Variants in ARHGEF4 observed in about 807,000 individuals in gnomAD.
The protein encoded by ARHGEF4 is Rho guanine nucleotide exchange factor 4.
A neutral mutation model predicts 162.0 loss-of-function variants in ARHGEF4; 119 were observed. The ratio of observed to expected loss-of-function variants is 0.73; its 90% CI spans 0.63 to 0.86. The LOEUF (loss-of-function observed/expected upper bound fraction) is 0.86. Ranked by LOEUF, ARHGEF4 falls within the 40% of genes least tolerant of loss-of-function variation. ARHGEF4 has a pLI of 0.00. For synonymous variants in ARHGEF4, 1,014 were observed against 979.9 expected, an observed-to-expected ratio of 1.03 and a Z score of -0.65; for missense variants, 2,488 against 2,456.0, an observed-to-expected ratio of 1.01 and a Z score of -0.28.
At position 130,978,681 on chromosome 2, in the gene ARHGEF4, A is replaced by T. The variant is rs531614983; in HGVS notation, c.3985+32046A>T. ...TTCTGGAGAAATTAGGCAGAGAAAT[A>T]TGACTCAAATTCTGTTTACAAAAGT... is the stretch of plus-strand genomic sequence containing the variant. On this transcript the variant is annotated intron_variant, in intron 4 of 13. Transcript: ENST00000409359. Among the ~76,000 whole-genome samples the T allele has an allele frequency of 5.9e-5, 9 of 152,292 alleles. No homozygotes were observed. In the East Asian group the frequency reaches 1.7e-3, roughly 29 times the overall value.
rs376607763 is a variant in ARHGEF4 at position 130,916,300 on chromosome 2, C to T, written c.2354C>T (p.Ala785Val). 1.2e-4 allele frequency: 189 copies of T among 1,540,578 alleles called. No individual in the cohort carries two copies. In the African/African-American group the frequency reaches 2.3e-3, roughly 19 times the overall value. The change falls in exon 2 of 14, where the codon GCG becomes GTG. Residue 785 changes from alanine to valine, a missense_variant. Ala to Val is a moderately conservative substitution (Grantham distance 64, BLOSUM62 0). Around this residue, in one of 6 missense-constraint regions of ARHGEF4, gnomAD observed 1,642 missense variants for 1,481.5 expected, o/e 1.11. Transcript: ENST00000409359. ...CCGCCACGCGGGCTCCGCAAGGGCG[C>T]GCAGGAGCCTGGGAAGCGCCCGACG... Reference protein sequence around the residue: ...PQPPRGLRKGAQEPGKRPTFS... With the variant: ...PQPPRGLRKGVQEPGKRPTFS...
intron 1 of ARHGEF4, among the ~76,000 whole-genome samples, chr2:130,893,814 T>C (rs1680001253): frequency 6.6e-6 from 1 of 152,212 alleles, no homozygotes; most frequent in South Asian, 2.1e-4. Context: ...TCACTGCATA[T>C]GCCCAGGGGC....
At position 130,916,301 on chromosome 2, in the gene ARHGEF4, G is replaced by T; in HGVS notation, c.2355G>T (p.Ala785=). The stretch of plus-strand genomic sequence containing the variant: ...CGCCACGCGGGCTCCGCAAGGGCGC[G>T]CAGGAGCCTGGGAAGCGCCCGACGT... ...PQPPRGLRKG[A]QEPGKRPTFS... is the part of the protein sequence containing the mutation. The change falls in exon 2 of 14, where the codon GCG becomes GCT. Residue 785 remains alanine, a synonymous_variant. Coordinates refer to ENST00000409359, the MANE Select transcript of ARHGEF4 (RefSeq NM_001367493.1). 6.5e-7 allele frequency: 1 copy of T among 1,540,608 alleles called. No homozygotes were observed.
chr2:130,914,757 A>G lies in ARHGEF4; in HGVS notation c.811A>G (p.Lys271Glu), dbSNP rs574064328. 102 of 1,426,356 alleles carry G rather than the reference A, an allele frequency of 7.2e-5. No homozygotes were observed. In the African/African-American group the frequency reaches 1.4e-3, roughly 19 times the overall value. 88.4% of individuals were successfully genotyped at this position (1,426,356 alleles called of 1,614,324 possible). ...NTAPLGTRTKKESTLGPAGDT... is the reference protein window; with the variant it reads ...NTAPLGTRTKEESTLGPAGDT... Reference sequence around the variant, plus strand: ...AGCCCCTCTGGGGACCAGGACAAAGAAGGAAAGTACTCTAGGCCCTGCAGG... The same window carrying G: ...AGCCCCTCTGGGGACCAGGACAAAGGAGGAAAGTACTCTAGGCCCTGCAGG... Residue 271 changes from lysine to glutamate, a missense_variant, in exon 2 of 14, where the codon AAG (lysine) becomes GAG (glutamate). Around this residue, in one of 6 missense-constraint regions of ARHGEF4, gnomAD observed 1,642 missense variants for 1,481.5 expected, o/e 1.11. Transcript: ENST00000409359.
chr2:131,001,896 G>A (rs1304344596), intron 4 of ARHGEF4, among the ~76,000 whole-genome samples: 1 of 152,210 alleles, frequency 6.6e-6, no homozygotes, highest in Non-Finnish European at 1.5e-5. Context: ...ATTTGCCTCT[G>A]GAGAGGAAGC....
intron 1 of ARHGEF4, among the ~76,000 whole-genome samples, chr2:130,838,497 T>C (rs1452115756): frequency 6.6e-6 from 1 of 152,054 alleles, no homozygotes; most frequent in Non-Finnish European, 1.5e-5. Context: ...TCCCAGCTAC[T>C]TGGGAGTCTG....
In ARHGEF4 at chr2:130,912,175, G is replaced by A. The variant is rs772941962; in HGVS notation, c.40-1811G>A. On this transcript the variant is annotated intron_variant, in intron 1 of 13. Transcript: ENST00000409359. ...GTTGCACAGTTCTCTGTGCTTGTCCGGGCGTGCTCATGTCCATGTCTCACT... is the reference window on the plus strand; with the variant it reads ...GTTGCACAGTTCTCTGTGCTTGTCCAGGCGTGCTCATGTCCATGTCTCACT... Among the ~76,000 whole-genome samples, 6 of 152,316 alleles carry A rather than the reference G, an allele frequency of 3.9e-5. No homozygotes were observed. In the South Asian group the frequency reaches 1.0e-3, roughly 26 times the overall value.
At chr2:130,974,422 G>A (rs1023161607) in intron 4 of ARHGEF4, among the ~76,000 whole-genome samples, 21 of 151,682 alleles carry the variant, frequency 1.4e-4, no homozygotes, top group African/African-American at 4.9e-4. Flanking sequence ...GAACATAACT[G>A]TAAAGAATCC....
intron 5 of ARHGEF4, chr2:131,034,851 G>T (rs1329935798): frequency 1.4e-5 from 5 of 364,580 alleles, no homozygotes; most frequent in African/African-American, 8.8e-5. Flanking sequence ...CCGAGCCGCC[G>T]CGGTCCCTCT....
At chr2:130,913,233 GGGGCA>G (rs1203357032) in intron 1 of ARHGEF4, among the ~76,000 whole-genome samples, 1 of 152,160 alleles carries the variant, frequency 6.6e-6, no homozygotes, top group Non-Finnish European at 1.5e-5. Context: ...TGACCGGGGA[GGGGCA>G]GGGCCTTTTT....
chr2:130,917,071 T>C lies in ARHGEF4; in HGVS notation c.3125T>C (p.Leu1042Pro), dbSNP rs1262678056. 1.3e-6 allele frequency: 2 copies of C among 1,550,686 alleles called. No individual in the cohort carries two copies. Among genetic ancestry groups the C allele is most frequent in the Non-Finnish European group, 8.7e-7 (1 of 1,147,010 alleles). The change falls in exon 2 of 14, where the codon CTA (leucine) becomes CCA (proline). Residue 1042 changes from leucine to proline, a missense_variant. Leu to Pro is a moderately conservative substitution (Grantham distance 98). Around this residue, in one of 6 missense-constraint regions of ARHGEF4, gnomAD observed 1,642 missense variants for 1,481.5 expected, o/e 1.11. Transcript: ENST00000409359. ...GCCACCCAGGAAGGCGGTAGGTACC[T>C]ACCTTCAGGTATCTTTCCGGAAAAG... ...CTATQEGGRY[L>P]PSGIFPEKSW... is the part of the protein sequence containing the mutation.
At chr2:131,028,535 G>A (rs1350874278) in intron 5 of ARHGEF4, among the ~76,000 whole-genome samples, 1 of 152,202 alleles carries the variant, frequency 6.6e-6, no homozygotes, top group Non-Finnish European at 1.5e-5. Flanking sequence ...TATTGCTGTT[G>A]CTATGACAAC....
At chr2:130,950,551 A>AT (rs1298724943) in intron 4 of ARHGEF4, among the ~76,000 whole-genome samples, 1 of 152,124 alleles carries the variant, frequency 6.6e-6, no homozygotes, top group Non-Finnish European at 1.5e-5. Context: ...GATGCTTTCT[A>AT]TTTTTTAAAC....
At chr2:130,874,049 C>A (rs1678666461) in intron 1 of ARHGEF4, among the ~76,000 whole-genome samples, 1 of 152,136 alleles carries the variant, frequency 6.6e-6, no homozygotes, top group Admixed American at 6.5e-5. Context: ...TTCCTCAATT[C>A]AACCCTGGTT....
rs140300190 is a variant in ARHGEF4 at position 130,931,408 on chromosome 2, A to T, written c.3858+151A>T. ...TGGATTACAGCATGCTGCCTGGGCC[A>T]CACTCAGTACTGCAGTCGAGGGCCT... On this transcript the variant is annotated intron_variant, in intron 3 of 13. Transcript: ENST00000409359. 7.9e-4 allele frequency: 645 copies of T among 818,276 alleles called. 8 individuals carry two copies. In the East Asian group the frequency reaches 0.013, roughly 16 times the overall value. The allele number at this position is 818,276 out of a possible 1,614,324, so 50.7% of individuals were successfully genotyped here.
chr2:130,837,778 TGAAAG>T (rs1252467424), intron 1 of ARHGEF4: 2 of 287,844 alleles, frequency 6.9e-6, no homozygotes, highest in Non-Finnish European at 1.3e-5. Context: ...AGCAACTGCA[TGAAAG>T]GAGAGGCGGG....
At position 130,889,685 on chromosome 2, in the gene ARHGEF4, A is replaced by G. The variant is rs922180633; in HGVS notation, c.40-24301A>G. On this transcript the variant is annotated intron_variant, in intron 1 of 13. Transcript: ENST00000409359. ...AAATTAGCTGGGTGTAGTGGCGGGC[A>G]TCTGTAATCCCAGCTACTCGGGAGG... 3.3e-5 allele frequency among the ~76,000 whole-genome samples: 5 copies of G among 150,442 alleles called. No homozygotes were observed. In the South Asian group the frequency reaches 1.0e-3, roughly 31 times the overall value.
At chr2:131,033,313 C>T (rs905392221) in intron 5 of ARHGEF4, among the ~76,000 whole-genome samples, 1 of 152,226 alleles carries the variant, frequency 6.6e-6, no homozygotes, top group Non-Finnish European at 1.5e-5. Context: ...AGGGGTGCTT[C>T]AGCCACCTTC....
At chr2:131,041,020 C>T (rs771478931) in intron 8 of ARHGEF4, among the ~76,000 whole-genome samples, 1 of 152,188 alleles carries the variant, frequency 6.6e-6, no homozygotes, top group Non-Finnish European at 1.5e-5. Flanking sequence ...GCAGCCGGGA[C>T]ACCTGCTCAT....
Sources: gnomAD v4.1 joint callset for allele counts (sites outside exome capture counted in the v4.1 genomes callset) on GRCh38, gnomAD v4.1.1 for gene constraint, gnomAD v4.1.1 regional missense constraint, MANE v1.5 for transcripts, NCBI Gene and HGNC (gene_info 2026-07-23, HGNC 2026-07-21) for gene names.